The following RREB1 variants were observed in gnomAD, a reference collection of about 807,000 sequenced individuals.
RREB1 encodes ras responsive element binding protein 1, also known as ras-responsive element-binding protein 1.
RREB1 carries 27 observed loss-of-function variants against 117.8 expected under a neutral mutation model. The ratio of observed to expected loss-of-function variants is 0.23; its 90% CI spans 0.17 to 0.32. The LOEUF (loss-of-function observed/expected upper bound fraction) is 0.32, where lower values mean the gene tolerates loss of function less well. Ranked by LOEUF, RREB1 falls within the 10% of genes least tolerant of loss-of-function variation. The pLI, the probability that RREB1 is intolerant of heterozygous loss-of-function variation, is 1.00. For missense variants in RREB1, 2,577 were observed against 2,378.2 expected, an observed-to-expected ratio of 1.08 and a Z score of -1.74; for synonymous variants, 1,298 against 1,026.7, an observed-to-expected ratio of 1.26 and a Z score of -5.05.
At chr6:7,146,180 T>C (rs1044675612) in intron 1 of RREB1, among the ~76,000 whole-genome samples, 1 of 152,062 alleles carries the variant, frequency 6.6e-6, no homozygotes, top group African/African-American at 2.4e-5. Flanking sequence ...ATAAAACACT[T>C]TGTGGAGCCT....
intron 12 of RREB1, among the ~76,000 whole-genome samples, chr6:7,247,849 T>TA (rs1448115038): frequency 2.1e-4 from 32 of 152,232 alleles, no homozygotes; most frequent in Non-Finnish European, 7.3e-5. Flanking sequence ...AGTCCAGAGA[T>TA]ATATCCTTCT....
At chr6:7,130,929 C>CTTTTTTTTT (rs61305060) in intron 1 of RREB1, among the ~76,000 whole-genome samples, 1 of 45,758 alleles carries the variant, frequency 2.2e-5, no homozygotes, top group Non-Finnish European at 3.6e-5. Flanking sequence ...ATAGTCATGT[C>CTTTTTTTTT]TTTTTTTTTT....
chr6:7,136,845 G>A (rs1762367074), intron 1 of RREB1, among the ~76,000 whole-genome samples: 1 of 152,206 alleles, frequency 6.6e-6, no homozygotes, highest in South Asian at 2.1e-4. Context: ...TTAACCAAAC[G>A]TGTTGTGTTT....
intron 1 of RREB1, among the ~76,000 whole-genome samples, chr6:7,162,944 G>A (rs2113468613): frequency 6.6e-6 from 1 of 151,992 alleles, no homozygotes; most frequent in Middle Eastern, 3.4e-3. Flanking sequence ...AACCTCCCTG[G>A]GCTCAGGCGA....
chr6:7,224,084 C>T (rs1364564980), intron 8 of RREB1, among the ~76,000 whole-genome samples: 1 of 151,868 alleles, frequency 6.6e-6, no homozygotes, highest in African/African-American at 2.4e-5. Context: ...GATACCTGTG[C>T]ACAGTTGAAT....
intron 1 of RREB1, among the ~76,000 whole-genome samples, chr6:7,116,392 A>C (rs1761399292): frequency 6.6e-6 from 1 of 151,792 alleles, no homozygotes; most frequent in Non-Finnish European, 1.5e-5. Context: ...TCTTCTATGG[A>C]GAATTAGCTC....
At chr6:7,235,912 A>G (rs1042822029) in intron 10 of RREB1, among the ~76,000 whole-genome samples, 3 of 152,090 alleles carry the variant, frequency 2.0e-5, no homozygotes, top group African/African-American at 7.2e-5. Flanking sequence ...CTCAGGTTCC[A>G]GGAACTGTGT....
intron 1 of RREB1, among the ~76,000 whole-genome samples, chr6:7,159,515 C>T (rs1200006279): frequency 7.2e-5 from 11 of 152,096 alleles, no homozygotes; most frequent in East Asian, 3.9e-4. Context: ...AGGCACTGGG[C>T]GGATTGCTTT....
intron 6 of RREB1, among the ~76,000 whole-genome samples, chr6:7,194,234 G>A (rs1765557500): frequency 6.6e-6 from 1 of 152,152 alleles, no homozygotes; most frequent in Non-Finnish European, 1.5e-5. Flanking sequence ...GTATTTTGGA[G>A]TTGTTTATAA....
chr6:7,173,253 G>C (rs1764314264), intron 1 of RREB1, among the ~76,000 whole-genome samples: 1 of 152,098 alleles, frequency 6.6e-6, no homozygotes, highest in African/African-American at 2.4e-5. Context: ...ACAGAGTTTA[G>C]ATTTCACTTC....
intron 4 of RREB1, among the ~76,000 whole-genome samples, chr6:7,186,992 C>G (rs1765116139): frequency 6.6e-6 from 1 of 152,218 alleles, no homozygotes; most frequent in South Asian, 2.1e-4. Context: ...CTTGTTATCT[C>G]TCAGGTGTTC....
At chr6:7,160,848 A>G (rs1294759605) in intron 1 of RREB1, among the ~76,000 whole-genome samples, 1 of 122,532 alleles carries the variant, frequency 8.2e-6, no homozygotes, top group Non-Finnish European at 1.7e-5. Context: ...CACCATGCCC[A>G]GCTAATTTTT....
intron 1 of RREB1, among the ~76,000 whole-genome samples, chr6:7,113,805 G>T (rs181560783): frequency 6.6e-6 from 1 of 152,316 alleles, no homozygotes; most frequent in African/African-American, 2.4e-5. Flanking sequence ...ATTTTAAAAA[G>T]CACTTCTGCT....
chr6:7,149,156 C>A (rs1281092711), intron 1 of RREB1, among the ~76,000 whole-genome samples: 10 of 152,174 alleles, frequency 6.6e-5, no homozygotes, highest in Non-Finnish European at 1.5e-4. Context: ...CTCCTGACCT[C>A]AGGTGATCTG....
chr6:7,161,802 G>A (rs1237452803), intron 1 of RREB1, among the ~76,000 whole-genome samples: 2 of 152,148 alleles, frequency 1.3e-5, no homozygotes, highest in Non-Finnish European at 2.9e-5. Flanking sequence ...CTTCTCTACA[G>A]CATTGCTTCC....
At chr6:7,190,700 A>AT (rs200515229) in intron 6 of RREB1, among the ~76,000 whole-genome samples, 1 of 151,142 alleles carries the variant, frequency 6.6e-6, no homozygotes, top group African/African-American at 2.5e-5. Context: ...TTAGCTTTTT[A>AT]TTTTTTTACC....
At chr6:7,120,918 C>G (rs1761652154) in intron 1 of RREB1, among the ~76,000 whole-genome samples, 2 of 148,648 alleles carry the variant, frequency 1.3e-5, no homozygotes, top group Admixed American at 1.4e-4. Flanking sequence ...CTCCTGCGTT[C>G]AAGTGATTCT....
chr6:7,183,552 C>G (rs1764916427), intron 4 of RREB1: 1 of 152,218 alleles, frequency 6.6e-6, no homozygotes, highest in Non-Finnish European at 1.5e-5. Context: ...CAAGTCCAGC[C>G]TCCAGATCAG....
At chr6:7,136,622 G>A (rs1313034286) in intron 1 of RREB1, among the ~76,000 whole-genome samples, 1 of 152,128 alleles carries the variant, frequency 6.6e-6, no homozygotes, top group African/African-American at 2.4e-5. Context: ...ATTAACTTAG[G>A]AGTACAAATG....
Sources: allele counts gnomAD v4.1 joint callset (sites outside exome capture counted in the v4.1 genomes callset), GRCh38; gene constraint gnomAD v4.1.1; transcripts MANE v1.5; gene names NCBI Gene and HGNC (gene_info 2026-07-23, HGNC 2026-07-21).